ROBO2: variants seen among roughly 807,000 people sequenced by gnomAD.
ROBO2 encodes the protein roundabout guidance receptor 2, also known as roundabout homolog 2.
ROBO2 carries 53 observed loss-of-function variants against 160.8 expected under a neutral mutation model. The observed-to-expected ratio is 0.33, with a 90% CI of 0.26 to 0.41. ROBO2 has a LOEUF of 0.41. ROBO2 is among the 10% of genes least tolerant of loss of function. ROBO2 has a pLI of 1.00. For missense variants in ROBO2, 1,577 were observed against 1,722.4 expected (o/e 0.92, Z 1.49); for synonymous variants, 664 against 611.7 (o/e 1.09, Z -1.26).
intron 2 of ROBO2, among the ~76,000 whole-genome samples, chr3:77,442,025 A>C (rs1001969575): frequency 1.3e-5 from 2 of 152,086 alleles, no homozygotes; most frequent in Non-Finnish European, 2.9e-5. Flanking sequence ...ATAATATCAG[A>C]TTTACGGCCG....
chr3:76,791,519 C>T (rs1301079590), intron 2 of ROBO2, among the ~76,000 whole-genome samples: 1 of 149,364 alleles, frequency 6.7e-6, no homozygotes, highest in Non-Finnish European at 1.5e-5. Flanking sequence ...GTTTCACACA[C>T]TCTCTCTCTC....
intron 2 of ROBO2, among the ~76,000 whole-genome samples, chr3:75,961,678 C>G (rs78433280): frequency 1.3e-5 from 2 of 151,410 alleles, no homozygotes; most frequent in African/African-American, 4.8e-5. Flanking sequence ...CAAACTGATC[C>G]TCTAAATAGA....
At chr3:76,630,790 G>A (rs1225008669) in intron 2 of ROBO2, among the ~76,000 whole-genome samples, 1 of 152,180 alleles carries the variant, frequency 6.6e-6, no homozygotes, top group Non-Finnish European at 1.5e-5. Context: ...ATAATCTGAA[G>A]ATAGAATATC....
rs2073349765 is a variant in ROBO2 at position 77,380,785 on chromosome 3, A to T, written c.389-96629A>T. 2.6e-5 allele frequency among the ~76,000 whole-genome samples: 4 copies of T among 151,332 alleles called. No homozygotes were observed. The South Asian group carries it at 8.3e-4, about 32-fold the overall frequency. On this transcript the variant is annotated intron_variant, in intron 2 of 25. Coordinates refer to ENST00000461745, the Ensembl canonical transcript of ROBO2. Reference sequence around the variant, plus strand: ...GATTATCTCAATGGTTAATCTGTATAAAGATGAATATTTCCTTTATTTCTC... The same window carrying T: ...GATTATCTCAATGGTTAATCTGTATTAAGATGAATATTTCCTTTATTTCTC...
chr3:77,514,787 A>C (rs1272288605), intron 5 of ROBO2, among the ~76,000 whole-genome samples: 1 of 151,818 alleles, frequency 6.6e-6, no homozygotes, highest in Admixed American at 6.6e-5. Context: ...TGACATTAAT[A>C]TTAAACATGG....
intron 2 of ROBO2, among the ~76,000 whole-genome samples, chr3:76,048,539 T>A (rs1384599168): frequency 6.6e-6 from 1 of 152,182 alleles, no homozygotes; most frequent in Non-Finnish European, 1.5e-5. Flanking sequence ...TTTGATCATA[T>A]GAATGATAAT....
chr3:76,675,759 G>T (rs1284267993), intron 2 of ROBO2, among the ~76,000 whole-genome samples: 1 of 152,118 alleles, frequency 6.6e-6, no homozygotes, highest in Admixed American at 6.5e-5. Context: ...CCTCTTCTAA[G>T]TCTCAGAATT....
chr3:76,850,596 G>A (rs1373542590), intron 2 of ROBO2, among the ~76,000 whole-genome samples: 1 of 152,110 alleles, frequency 6.6e-6, no homozygotes, highest in Non-Finnish European at 1.5e-5. Flanking sequence ...ACAGTACGGG[G>A]CTCGATGATG....
chr3:76,715,074 A>G (rs1432006992), intron 2 of ROBO2, among the ~76,000 whole-genome samples: 1 of 152,244 alleles, frequency 6.6e-6, no homozygotes, highest in South Asian at 2.1e-4. Flanking sequence ...TTGTATTTGC[A>G]CAATGATTAG....
chr3:77,473,784 G>T (rs917698729), intron 2 of ROBO2, among the ~76,000 whole-genome samples: 1 of 152,018 alleles, frequency 6.6e-6, no homozygotes, highest in African/African-American at 2.4e-5. Flanking sequence ...GAAATTATTT[G>T]GGGCTGTTTT....
chr3:76,311,631 A>G (rs748308953), intron 2 of ROBO2, among the ~76,000 whole-genome samples: 2 of 152,222 alleles, frequency 1.3e-5, no homozygotes, highest in Non-Finnish European at 2.9e-5. Context: ...CTGGGCTTTC[A>G]AAGCATTACA....
At chr3:76,609,259 A>G (rs960909987) in intron 2 of ROBO2, among the ~76,000 whole-genome samples, 5 of 152,162 alleles carry the variant, frequency 3.3e-5, no homozygotes, top group Admixed American at 2.0e-4. Flanking sequence ...TTTGGTTATT[A>G]TACCTTTGTA....
chr3:76,085,686 C>T (rs889936564), intron 2 of ROBO2, among the ~76,000 whole-genome samples: 3 of 152,030 alleles, frequency 2.0e-5, no homozygotes, highest in Admixed American at 6.6e-5. Flanking sequence ...GTTTCAAAAC[C>T]GACTTGCACA....
intron 2 of ROBO2, among the ~76,000 whole-genome samples, chr3:76,352,366 T>G (rs2074929126): frequency 6.6e-6 from 1 of 152,110 alleles, no homozygotes; most frequent in African/African-American, 2.4e-5. Flanking sequence ...CAACCCTGCT[T>G]CCTCTTCTTG....
At chr3:77,289,225 T>A (rs1423140252) in intron 2 of ROBO2, among the ~76,000 whole-genome samples, 1 of 152,180 alleles carries the variant, frequency 6.6e-6, no homozygotes, top group African/African-American at 2.4e-5. Context: ...TAGCAGTTTT[T>A]AGCCAGATTG....
At chr3:77,011,145 C>A (rs1165917953) in intron 2 of ROBO2, among the ~76,000 whole-genome samples, 1 of 138,158 alleles carries the variant, frequency 7.2e-6, no homozygotes, top group Non-Finnish European at 1.6e-5. Flanking sequence ...TTCTTTCCCT[C>A]CCTCCCTTCC....
rs574610626 is a variant in ROBO2, at chr3:76,904,854, C to G, written c.110-193160C>G. On this transcript the variant is annotated intron_variant, in intron 2 of 26. Transcript: ENST00000487694. The stretch of plus-strand genomic sequence containing the variant: ...ATACCACCATCTTTTATTTCTGATT[C>G]ATGTTTCTCTTGCCCATGACTAAGT... Among the ~76,000 whole-genome samples, 59 of 152,254 alleles carry G rather than the reference C, an allele frequency of 3.9e-4. 1 individual carries two copies. Among genetic ancestry groups the G allele is most frequent in the South Asian group, 1.2e-3 (6 of 4,820 alleles).
At chr3:77,484,985 A>G (rs1252984314) in intron 4 of ROBO2, among the ~76,000 whole-genome samples, 2 of 152,096 alleles carry the variant, frequency 1.3e-5, no homozygotes, top group African/African-American at 4.8e-5. Flanking sequence ...ATCTTCTATA[A>G]TCATTTTTTT....
intron 2 of ROBO2, among the ~76,000 whole-genome samples, chr3:76,152,434 T>A (rs887537470): frequency 6.6e-6 from 1 of 152,178 alleles, no homozygotes; most frequent in Non-Finnish European, 1.5e-5. Flanking sequence ...GAATATTTGA[T>A]ATGAACTAGT....
Sources: gnomAD v4.1 joint callset for allele counts (sites outside exome capture counted in the v4.1 genomes callset) on GRCh38, gnomAD v4.1.1 for gene constraint, MANE v1.5 for transcripts, NCBI Gene and HGNC (gene_info 2026-07-23, HGNC 2026-07-21) for gene names.